SLC14A2: variants seen among roughly 807,000 people sequenced by gnomAD.
SLC14A2 encodes the protein urea transporter 2.
Under a neutral mutation model 104.6 loss-of-function variants are expected in SLC14A2, and 91 were observed. The observed-to-expected ratio is 0.87, with a 90% CI of 0.73 to 1.04. The LOEUF (loss-of-function observed/expected upper bound fraction) is 1.04. SLC14A2 is among the 50% of genes least tolerant of loss of function. SLC14A2 has a pLI of 0.00. For synonymous variants in SLC14A2, 476 were observed against 466.4 expected, an observed-to-expected ratio of 1.02 and a Z score of -0.27; for missense variants, 1,189 against 1,156.0, an observed-to-expected ratio of 1.03 and a Z score of -0.41.
intron 1 of SLC14A2, among the ~76,000 whole-genome samples, chr18:45,344,865 T>G (rs1030883543): frequency 3.8e-4 from 58 of 152,212 alleles, no homozygotes; most frequent in Admixed American, 3.7e-3. Context: ...CACTATTGAT[T>G]GTTGCCCAGA....
intron 2 of SLC14A2, among the ~76,000 whole-genome samples, chr18:45,527,378 C>T (rs955101798): frequency 5.3e-5 from 8 of 152,124 alleles, no homozygotes; most frequent in Admixed American, 2.6e-4. Context: ...TTAACTCACA[C>T]CCCTTTAGAT....
In SLC14A2 at chr18:45,269,443, C is replaced by T. The variant is rs531467491; in HGVS notation, c.-125+56252C>T. Among the ~76,000 whole-genome samples the T allele has an allele frequency of 3.3e-5, 5 of 152,118 alleles. No individual in the cohort carries two copies. The South Asian group carries it at 8.3e-4, about 25-fold the overall frequency. Reference sequence around the variant, plus strand: ...TAGCTAATAGTGCTAATGTCCACAGCCCCCAGCGTCACTGTCTCCCATATG... The same window carrying T: ...TAGCTAATAGTGCTAATGTCCACAGTCCCCAGCGTCACTGTCTCCCATATG... On this transcript the variant is annotated intron_variant, in intron 1 of 20. Coordinates refer to the SLC14A2 transcript ENST00000586448.
At chr18:45,624,105 T>C (rs888599111) in intron 1 of SLC14A2, among the ~76,000 whole-genome samples, 3 of 152,060 alleles carry the variant, frequency 2.0e-5, no homozygotes, top group Middle Eastern at 3.2e-3. Context: ...AATAGACCAG[T>C]GCTTCCTACT....
intron 1 of SLC14A2, among the ~76,000 whole-genome samples, chr18:45,289,042 C>G (rs1280317678): frequency 6.6e-6 from 1 of 152,200 alleles, no homozygotes; most frequent in South Asian, 2.1e-4. Flanking sequence ...AAGTCCTGAG[C>G]AAGCTGGGGC....
chr18:45,635,519 G>A (rs1450050273), intron 5 of SLC14A2, among the ~76,000 whole-genome samples: 1 of 152,220 alleles, frequency 6.6e-6, no homozygotes, highest in Non-Finnish European at 1.5e-5. Flanking sequence ...GAATGACCAT[G>A]GACTTAGCAA....
the SLC14A2 span, among the ~76,000 whole-genome samples, chr18:45,176,793 C>T: frequency 1.3e-5 from 2 of 152,152 alleles, no homozygotes; most frequent in Non-Finnish European, 2.9e-5. Flanking sequence ...TGGCTCAGTC[C>T]TAACCCACTT....
At chr18:45,470,811 T>C (rs1473574473) in intron 1 of SLC14A2, among the ~76,000 whole-genome samples, 1 of 152,142 alleles carries the variant, frequency 6.6e-6, no homozygotes, top group Non-Finnish European at 1.5e-5. Context: ...CTCAACCTTA[T>C]ACTTTTTAAT....
intron 1 of SLC14A2, among the ~76,000 whole-genome samples, chr18:45,221,430 G>C (rs1047601572): frequency 4.0e-5 from 6 of 150,956 alleles, no homozygotes; most frequent in African/African-American, 1.5e-4. Context: ...CTACGGGCCA[G>C]TGTGGCATGG....
At chr18:45,176,143 C>T in the SLC14A2 span, among the ~76,000 whole-genome samples, 3 of 152,178 alleles carry the variant, frequency 2.0e-5, no homozygotes, top group Admixed American at 6.5e-5. Context: ...TGAGCTTGCC[C>T]ACTCGAAGTT....
At chr18:45,315,781 C>T (rs528384678) in intron 1 of SLC14A2, among the ~76,000 whole-genome samples, 1 of 152,180 alleles carries the variant, frequency 6.6e-6, no homozygotes, top group Admixed American at 6.5e-5. Context: ...CAAGGTTCTC[C>T]TGAAGTTCAT....
upstream of SLC14A2, among the ~76,000 whole-genome samples, chr18:45,209,040 A>C (rs370292713): frequency 2.1e-5 from 2 of 94,978 alleles, no homozygotes; most frequent in African/African-American, 3.5e-5. Context: ...AAAAAAAAAA[A>C]ACAACAACAA....
intron 1 of SLC14A2, among the ~76,000 whole-genome samples, chr18:45,482,807 C>T (rs187296777): frequency 1.2e-4 from 19 of 152,288 alleles, no homozygotes; most frequent in East Asian, 3.9e-4. Context: ...CACAGTTATA[C>T]AATGGTGAGA....
At chr18:45,493,156 A>C (rs2043032020) in intron 2 of SLC14A2, 1 of 152,212 alleles carries the variant, frequency 6.6e-6, no homozygotes, top group South Asian at 2.1e-4. Flanking sequence ...ACTTCATCCC[A>C]CTGTCCATTG....
intron 5 of SLC14A2, 95 bp from the exon 6 acceptor site, chr18:45,636,895 G>A: frequency 2.2e-6 from 2 of 898,074 alleles, no homozygotes; most frequent in Non-Finnish European, 3.6e-6. Context: ...GTGCCTAGGA[G>A]AGGAGGCAGT....
chr18:45,378,866 C>T (rs1221522508), intron 1 of SLC14A2, among the ~76,000 whole-genome samples: 1 of 152,176 alleles, frequency 6.6e-6, no homozygotes, highest in East Asian at 1.9e-4. Context: ...CCGTCTCAGC[C>T]TCCCGAAGTG....
At chr18:45,340,101 ATTATGC>A (rs2144280567) in intron 1 of SLC14A2, among the ~76,000 whole-genome samples, 1 of 152,318 alleles carries the variant, frequency 6.6e-6, no homozygotes, top group South Asian at 2.1e-4. Context: ...ACTCCCTTTC[ATTATGC>A]TTTGATTAAT....
chr18:45,252,743 G>A (rs543971175), intron 1 of SLC14A2, among the ~76,000 whole-genome samples: 1 of 143,452 alleles, frequency 7.0e-6, no homozygotes, highest in Admixed American at 6.9e-5. Flanking sequence ...AAAGTTAGAT[G>A]TTTCACTTCT....
chr18:45,646,379 C>G (rs543531340), intron 10 of SLC14A2: 2 of 152,136 alleles, frequency 1.3e-5, no homozygotes, highest in Non-Finnish European at 2.9e-5. Flanking sequence ...AGTTCTCTGC[C>G]GGGTTTCCAG....
intron 1 of SLC14A2, among the ~76,000 whole-genome samples, chr18:45,412,119 C>A (rs1043992856): frequency 3.9e-5 from 6 of 152,176 alleles, no homozygotes; most frequent in African/African-American, 1.2e-4. Flanking sequence ...GTTGCATCTC[C>A]CACTGCCTCA....
Sources: allele counts gnomAD v4.1 joint callset (sites outside exome capture counted in the v4.1 genomes callset), GRCh38; gene constraint gnomAD v4.1.1; transcripts MANE v1.5; gene names NCBI Gene and HGNC (gene_info 2026-07-23, HGNC 2026-07-21).